CAMK1D: variants seen among roughly 807,000 people sequenced by gnomAD.
CAMK1D encodes the protein calcium/calmodulin dependent protein kinase ID, also known as calcium/calmodulin-dependent protein kinase type 1D.
In CAMK1D, 9 loss-of-function variants were observed where a neutral mutation model predicts 47.7. The ratio of observed to expected loss-of-function variants is 0.19; its 90% CI spans 0.11 to 0.33. CAMK1D has a LOEUF of 0.33. CAMK1D is among the 10% of genes least tolerant of loss of function. The probability of loss-of-function intolerance (pLI) is 1.00; values close to 1 mark genes in which losing one functional copy is unlikely to be tolerated. For synonymous variants in CAMK1D, 184 were observed against 184.9 expected (o/e 0.99, Z 0.04); for missense variants, 291 against 488.7 (o/e 0.60, Z 3.81).
chr10:12,539,701 T>C (rs1836102187), intron 1 of CAMK1D, among the ~76,000 whole-genome samples: 1 of 152,116 alleles, frequency 6.6e-6, no homozygotes, highest in African/African-American at 2.4e-5. Context: ...GGGAAGACCA[T>C]AGTGAGAAGT....
At chr10:12,741,125 T>C (rs1835406359) in intron 3 of CAMK1D, among the ~76,000 whole-genome samples, 1 of 152,202 alleles carries the variant, frequency 6.6e-6, no homozygotes, top group African/African-American at 2.4e-5. Flanking sequence ...TCCTCCTGCC[T>C]CCAGGCTTTC....
intron 6 of CAMK1D, among the ~76,000 whole-genome samples, chr10:12,798,527 G>A (rs1838288856): frequency 6.6e-6 from 1 of 152,222 alleles, no homozygotes; most frequent in Non-Finnish European, 1.5e-5. Flanking sequence ...GCCTTCCCAG[G>A]ATAGGTTACA....
Position 12,830,926 on chromosome 10 carries a change from AACACACAC to A in CAMK1D, c.*2071_*2078del, listed in dbSNP as rs3995677. The A allele has an allele frequency of 0.08, 8,276 of 103,808 alleles. 268 individuals carry two copies. Among genetic ancestry groups the A allele is most frequent in the South Asian group, 0.12 (302 of 2,590 alleles). 6.4% of individuals were successfully genotyped at this position (103,808 alleles called of 1,614,324 possible). On this transcript the variant is annotated 3_prime_UTR_variant, in exon 11 of 11. Coordinates refer to ENST00000619168, the MANE Select transcript of CAMK1D (RefSeq NM_153498.4). ...GTGATGCCCCCCCACCCTCTCAATA[AACACACAC>A]ACACACACACACACACACACACACA...
chr10:12,406,424 C>T (rs1402417204), intron 1 of CAMK1D, among the ~76,000 whole-genome samples: 1 of 151,982 alleles, frequency 6.6e-6, no homozygotes, highest in Non-Finnish European at 1.5e-5. Context: ...TTTAATTAAG[C>T]TGTTGGCCAG....
chr10:12,413,939 A>G (rs1280692714), intron 1 of CAMK1D, among the ~76,000 whole-genome samples: 1 of 152,138 alleles, frequency 6.6e-6, no homozygotes, highest in Non-Finnish European at 1.5e-5. Context: ...TCCCTTTTTC[A>G]CCTTAAAATG....
chr10:12,819,123 C>T (rs1365270272), intron 8 of CAMK1D, among the ~76,000 whole-genome samples: 3 of 152,110 alleles, frequency 2.0e-5, no homozygotes, highest in Non-Finnish European at 4.4e-5. Flanking sequence ...CTCTCCTTCA[C>T]CAAACATTTT....
intron 1 of CAMK1D, among the ~76,000 whole-genome samples, chr10:12,490,188 C>A (rs1172623328): frequency 6.6e-6 from 1 of 152,192 alleles, no homozygotes; most frequent in Non-Finnish European, 1.5e-5. Flanking sequence ...TGCTGTGAAG[C>A]CTTACTTGGG....
intron 5 of CAMK1D, among the ~76,000 whole-genome samples, chr10:12,780,072 T>C (rs1031731642): frequency 1.3e-5 from 2 of 152,136 alleles, no homozygotes; most frequent in Admixed American, 1.3e-4. Context: ...TGTTCTTCTC[T>C]AAAAGGAGAT....
chr10:12,716,148 G>A (rs10906214), intron 3 of CAMK1D, among the ~76,000 whole-genome samples: 13,380 of 152,138 alleles, frequency 0.088, 826 homozygotes, highest in Admixed American at 0.15. Flanking sequence ...CTATGATACC[G>A]CCTCGCACTT....
intron 1 of CAMK1D, among the ~76,000 whole-genome samples, chr10:12,543,143 G>A (rs1292307038): frequency 6.6e-6 from 1 of 152,142 alleles, no homozygotes; most frequent in African/African-American, 2.4e-5. Flanking sequence ...CACTTCCTGG[G>A]TTCAAGTGAT....
intron 1 of CAMK1D, among the ~76,000 whole-genome samples, chr10:12,552,209 C>T (rs1464711957): frequency 2.0e-5 from 3 of 152,214 alleles, no homozygotes; most frequent in East Asian, 3.9e-4. Flanking sequence ...GGCTCTCCAG[C>T]CCCAGATGTT....
rs111361643 is a variant in CAMK1D at position 12,746,088 on chromosome 10, C to T, written c.300-14860C>T. 4.7e-3 allele frequency among the ~76,000 whole-genome samples: 715 copies of T among 152,176 alleles called. 11 individuals are homozygous for T. In the South Asian group the frequency reaches 0.053, roughly 11 times the overall value. On this transcript the variant is annotated intron_variant, in intron 3 of 10. Transcript: ENST00000619168. Reference sequence around the variant, plus strand: ...GTCCTGATGCCGACTGTATTTGTCCCGATGCCGGTGATGCCTGTAGAGCTA... The same window carrying T: ...GTCCTGATGCCGACTGTATTTGTCCTGATGCCGGTGATGCCTGTAGAGCTA...
intron 8 of CAMK1D, among the ~76,000 whole-genome samples, chr10:12,819,696 A>C (rs981134185): frequency 2.0e-5 from 3 of 152,186 alleles, no homozygotes; most frequent in African/African-American, 2.4e-5. Context: ...GGGGTCCCTG[A>C]CATCTGTTAG....
chr10:12,452,991 C>A (rs958770592), intron 1 of CAMK1D, among the ~76,000 whole-genome samples: 1 of 152,122 alleles, frequency 6.6e-6, no homozygotes, highest in African/African-American at 2.4e-5. Flanking sequence ...TGCCCTCATT[C>A]AACAGCAACT....
At chr10:12,630,759 T>G (rs1375395323) in intron 2 of CAMK1D, among the ~76,000 whole-genome samples, 2 of 152,074 alleles carry the variant, frequency 1.3e-5, no homozygotes, top group East Asian at 3.9e-4. Flanking sequence ...GAGCTTTCCT[T>G]GTGACCTCAC....
chr10:12,476,492 CTA>C (rs899512400), intron 1 of CAMK1D, among the ~76,000 whole-genome samples: 6 of 151,988 alleles, frequency 3.9e-5, no homozygotes, highest in African/African-American at 1.5e-4. Flanking sequence ...TACAATGTGA[CTA>C]TAAAATGAAG....
In CAMK1D at chr10:12,472,320, C is replaced by T. The variant is rs115770859; in HGVS notation, c.93-80905C>T. Among the ~76,000 whole-genome samples the T allele has an allele frequency of 9.1e-3, 1,389 of 152,190 alleles. 20 individuals are homozygous for T. The highest frequency in any genetic ancestry group is 0.032 in the African/African-American group (1,315 of 41,506). On this transcript the variant is annotated intron_variant, in intron 1 of 10. Coordinates refer to ENST00000619168, the MANE Select transcript of CAMK1D (RefSeq NM_153498.4). ...TGTAGGCCTCAGATGGTCCATGTCC[C>T]ATATTCTGCTTGCTCTTCCTCATGT... is the stretch of plus-strand genomic sequence containing the variant.
At position 12,828,915 on chromosome 10, in the gene CAMK1D, G is replaced by A. The variant is rs536479247; in HGVS notation, c.*28G>A. The A allele has an allele frequency of 4.5e-5, 69 of 1,532,866 alleles. No individual in the cohort carries two copies. In the East Asian group the frequency reaches 1.2e-3, roughly 26 times the overall value. 95.0% of individuals were successfully genotyped at this position (1,532,866 alleles called of 1,614,324 possible). On this transcript the variant is annotated 3_prime_UTR_variant, in exon 11 of 11. Coordinates refer to ENST00000619168, the MANE Select transcript of CAMK1D (RefSeq NM_153498.4). ...GGCCCTGGAGGTGGGGCCCGGGGTC[G>A]GGGCTGGGGAAGGGGAGCCCCAGGG...
At chr10:12,512,398 T>C (rs577731609) in intron 1 of CAMK1D, among the ~76,000 whole-genome samples, 1 of 152,244 alleles carries the variant, frequency 6.6e-6, no homozygotes, top group South Asian at 2.1e-4. Context: ...TTACTGTTTA[T>C]TATTATTATT....
Sources: gnomAD v4.1 joint callset for allele counts (sites outside exome capture counted in the v4.1 genomes callset) on GRCh38, gnomAD v4.1.1 for gene constraint, MANE v1.5 for transcripts, NCBI Gene and HGNC (gene_info 2026-07-23, HGNC 2026-07-21) for gene names.